The following DNAJC21 variants were observed in gnomAD, a reference collection of about 807,000 sequenced individuals.
The protein encoded by DNAJC21 is DnaJ heat shock protein family (Hsp40) member C21.
In DNAJC21, 63 loss-of-function variants were observed where a neutral mutation model predicts 72.4. That is an observed-to-expected ratio of 0.87 (90% CI 0.71 to 1.07). The LOEUF (loss-of-function observed/expected upper bound fraction) is 1.07, where lower values mean the gene tolerates loss of function less well. DNAJC21 is among the 50% of genes least tolerant of loss of function. The pLI, the probability that DNAJC21 is intolerant of heterozygous loss-of-function variation, is 0.00. For synonymous variants in DNAJC21, 203 were observed against 216.7 expected (o/e 0.94, Z 0.56); for missense variants, 634 against 644.8 (o/e 0.98, Z 0.18).
At chr5:34,943,157 T>G (rs1765055157) in intron 7 of DNAJC21, among the ~76,000 whole-genome samples, 1 of 152,232 alleles carries the variant, frequency 6.6e-6, no homozygotes, top group Non-Finnish European at 1.5e-5. Context: ...ATATGGTATT[T>G]TTATCTAATT....
chr5:34,943,571 A>G (rs571175097), intron 7 of DNAJC21, among the ~76,000 whole-genome samples: 7 of 152,328 alleles, frequency 4.6e-5, no homozygotes, highest in South Asian at 2.1e-4. Context: ...TTTCCCTTGT[A>G]ACATGTTTAA....
chr5:34,936,563 C>A (rs1403525621), intron 4 of DNAJC21, among the ~76,000 whole-genome samples: 1 of 152,134 alleles, frequency 6.6e-6, no homozygotes, highest in Non-Finnish European at 1.5e-5. Flanking sequence ...CCCTCCTTGG[C>A]CTCCCAAAAG....
intron 10 of DNAJC21, chr5:34,950,639 T>A: frequency 2.9e-6 from 3 of 1,032,876 alleles, no homozygotes; most frequent in East Asian, 8.4e-5. Flanking sequence ...TTGTCGTGGA[T>A]CATTAACACT....
intron 10 of DNAJC21, chr5:34,950,821 C>G: frequency 1.0e-6 from 1 of 986,050 alleles, no homozygotes; most frequent in South Asian, 4.7e-5. Context: ...CTGCACAAGG[C>G]CATGGTGTGG....
At chr5:34,952,980 C>G (rs1459032506) in intron 10 of DNAJC21, among the ~76,000 whole-genome samples, 1 of 151,960 alleles carries the variant, frequency 6.6e-6, no homozygotes, top group Non-Finnish European at 1.5e-5. Flanking sequence ...AAAACCCTGT[C>G]TCTACTAAAA....
chr5:34,939,681 CCCTT>C (rs1159164322), intron 6 of DNAJC21, among the ~76,000 whole-genome samples: 4 of 151,998 alleles, frequency 2.6e-5, no homozygotes, highest in Admixed American at 6.6e-5. Flanking sequence ...TTCTTCCTCT[CCCTT>C]GTGACTTTAT....
At chr5:34,933,585 A>T (rs1472245332) in intron 1 of DNAJC21, among the ~76,000 whole-genome samples, 1 of 152,062 alleles carries the variant, frequency 6.6e-6, no homozygotes, top group Non-Finnish European at 1.5e-5. Flanking sequence ...AGCCCAGTTG[A>T]CTGTTTAGTG....
intron 6 of DNAJC21, among the ~76,000 whole-genome samples, chr5:34,939,486 C>T (rs1261529806): frequency 2.6e-5 from 4 of 152,060 alleles, no homozygotes; most frequent in Admixed American, 2.0e-4. Flanking sequence ...AGGATGGTCT[C>T]GATCTCCTGA....
intron 7 of DNAJC21, among the ~76,000 whole-genome samples, chr5:34,942,323 A>G (rs1765022182): frequency 6.6e-6 from 1 of 152,174 alleles, no homozygotes; most frequent in Non-Finnish European, 1.5e-5. Flanking sequence ...GGATACCATT[A>G]TTATAAAGGA....
intron 10 of DNAJC21, chr5:34,951,150 C>T: frequency 1.0e-6 from 1 of 985,334 alleles, no homozygotes; most frequent in Non-Finnish European, 1.2e-6. Context: ...GTGGGTGAGA[C>T]CTACAGTATG....
intron 7 of DNAJC21, among the ~76,000 whole-genome samples, chr5:34,942,856 G>T (rs971310294): frequency 2.6e-4 from 40 of 152,140 alleles, no homozygotes; most frequent in Non-Finnish European, 4.4e-5. Context: ...ATCACCTGAG[G>T]TTGGGAGTTT....
rs1765490234 is a variant in DNAJC21, at chr5:34,954,837, T to G, written c.*123T>G. 8.7e-7 allele frequency: 1 copy of G among 1,150,030 alleles called. No individual in the cohort carries two copies. The highest frequency in any genetic ancestry group is 1.2e-6 in the Non-Finnish European group (1 of 863,082). 71.2% of individuals were successfully genotyped at this position (1,150,030 alleles called of 1,614,324 possible). ...TTAATTACATTGTGGAAGATTATTTTTTATCTTGTAAAAACACTTTTTTGG... is the reference window on the plus strand; with the variant it reads ...TTAATTACATTGTGGAAGATTATTTGTTATCTTGTAAAAACACTTTTTTGG... On this transcript the variant is annotated 3_prime_UTR_variant, in exon 12 of 12. Transcript: ENST00000648817.
At chr5:34,941,721 C>T (rs190344580) in intron 7 of DNAJC21, among the ~76,000 whole-genome samples, 12 of 151,928 alleles carry the variant, frequency 7.9e-5, no homozygotes, top group African/African-American at 2.7e-4. Context: ...TGCAGGTCAC[C>T]GCACCCAGCT....
intron 1 of DNAJC21, among the ~76,000 whole-genome samples, chr5:34,930,892 G>T (rs1428296939): frequency 6.6e-6 from 1 of 152,196 alleles, no homozygotes; most frequent in South Asian, 2.1e-4. Context: ...ATACATAATT[G>T]GTGGTTAGAT....
intron 7 of DNAJC21, among the ~76,000 whole-genome samples, chr5:34,941,750 A>G (rs1765003143): frequency 6.6e-6 from 1 of 151,408 alleles, no homozygotes; most frequent in African/African-American, 2.4e-5. Flanking sequence ...TATTTTTAGT[A>G]GAGACAGGGT....
chr5:34,951,668 C>A, intron 10 of DNAJC21: 1 of 776,780 alleles, frequency 1.3e-6, no homozygotes, highest in Non-Finnish European at 1.6e-6. Context: ...GCTGGGACTG[C>A]AGGCATGCAC....
intron 7 of DNAJC21, 47 bp from the exon 8 acceptor site, chr5:34,944,820 C>G: frequency 1.2e-6 from 2 of 1,607,384 alleles, no homozygotes; most frequent in Non-Finnish European, 8.5e-7. Context: ...TATCTGGACA[C>G]GTGAACTAAT....
At position 34,936,206 on chromosome 5, in the gene DNAJC21, G is replaced by T. The variant is rs761951948; in HGVS notation, c.378G>T (p.Val126=). 1 of 1,614,120 alleles carries T rather than the reference G, an allele frequency of 6.2e-7. No homozygotes were observed. The highest frequency in any genetic ancestry group is 8.5e-7 in the Non-Finnish European group (1 of 1,179,998). ...TTGCCAAGGAAGAACTAGAATCTGT[G>T]TTAGAGGAAGAGGTTGATGATTTCC... is the stretch of plus-strand genomic sequence containing the variant. ...EMIAKEELES[V]LEEEVDDFPT... The change falls in exon 4 of 12, where the codon GTG becomes GTT. Residue 126 remains valine (V), a synonymous_variant. Coordinates refer to ENST00000648817, the MANE Select transcript of DNAJC21 (RefSeq NM_001012339.3).
rs902669813 is a variant in DNAJC21 at position 34,958,312 on chromosome 5, A to G, written c.*3598A>G. 1 of 152,264 alleles carries G rather than the reference A, an allele frequency of 6.6e-6. No homozygotes were observed. Among genetic ancestry groups the G allele is most frequent in the Non-Finnish European group, 1.5e-5 (1 of 68,066 alleles). 9.4% of individuals were successfully genotyped at this position (152,264 alleles called of 1,614,324 possible). ...GTCAGTCAAGGGATCCCTGACGAGA[A>G]TAAAGAGCCCAGAAACAGGTCCATG... On this transcript the variant is annotated 3_prime_UTR_variant, in exon 12 of 12. Coordinates refer to ENST00000648817, the MANE Select transcript of DNAJC21 (RefSeq NM_001012339.3).
Sources: allele counts gnomAD v4.1 joint callset (sites outside exome capture counted in the v4.1 genomes callset), GRCh38; gene constraint gnomAD v4.1.1; transcripts MANE v1.5; gene names NCBI Gene and HGNC (gene_info 2026-07-23, HGNC 2026-07-21).